Variants in NHSL1 observed in about 807,000 individuals in gnomAD.
The protein encoded by NHSL1 is NHS like 1.
NHSL1 carries 48 observed loss-of-function variants against 95.0 expected under a neutral mutation model. The observed-to-expected ratio is 0.51, with a 90% CI of 0.40 to 0.64. The LOEUF is 0.64. Ranked by LOEUF, NHSL1 falls within the 30% of genes least tolerant of loss-of-function variation. The pLI is 0.00. For missense variants in NHSL1, 1,971 were observed against 2,077.7 expected (o/e 0.95, Z 1.00); for synonymous variants, 783 against 833.9 (o/e 0.94, Z 1.05).
At chr6:138,605,472 G>T (rs977766035) in intron 1 of NHSL1, among the ~76,000 whole-genome samples, 1 of 152,134 alleles carries the variant, frequency 6.6e-6, no homozygotes, top group Non-Finnish European at 1.5e-5. Flanking sequence ...ACAAAAAAAA[G>T]TTTACCAGAA....
At chr6:138,447,313 G>A (rs767378088) in intron 3 of NHSL1, 120 bp from the exon 4 acceptor site, 193 of 775,956 alleles carry the variant, frequency 2.5e-4, no homozygotes, top group Non-Finnish European at 3.5e-4. Flanking sequence ...ATAATTGATC[G>A]CTTTTAGGAA....
At chr6:138,595,248 G>C (rs920857396) in intron 1 of NHSL1, among the ~76,000 whole-genome samples, 1 of 152,098 alleles carries the variant, frequency 6.6e-6, no homozygotes, top group African/African-American at 2.4e-5. Context: ...TCAGGAAAAG[G>C]ACCAGCCACT....
chr6:138,447,210 A>C lies in NHSL1; in HGVS notation c.340-17T>G. 1 of 1,543,554 alleles carries C rather than the reference A, an allele frequency of 6.5e-7. No homozygotes were observed. ...CAGAGAACACTGCAGAGAAAAAAGA[A>C]GCAGCAGCCACAGTGTATAAAGAGC... On this transcript the variant is annotated splice_polypyrimidine_tract_variant and intron_variant, in intron 3 of 7. Transcript: ENST00000343505.
At chr6:138,579,570 T>C (rs1320882400) in intron 1 of NHSL1, among the ~76,000 whole-genome samples, 2 of 152,218 alleles carry the variant, frequency 1.3e-5, no homozygotes, top group African/African-American at 4.8e-5. Context: ...TCTTCACTGC[T>C]TCCATCCACG....
At chr6:138,453,571 G>A (rs1318020623) in intron 3 of NHSL1, among the ~76,000 whole-genome samples, 1 of 151,648 alleles carries the variant, frequency 6.6e-6, no homozygotes, top group African/African-American at 2.4e-5. Flanking sequence ...TTTTGAGACA[G>A]GGTCTCACTC....
At chr6:138,600,153 AT>A (rs921285245) in intron 1 of NHSL1, among the ~76,000 whole-genome samples, 30 of 152,224 alleles carry the variant, frequency 2.0e-4, no homozygotes, top group African/African-American at 7.2e-4. Flanking sequence ...CAAAAAAAAA[AT>A]ATTAATTAAT....
rs1775008030 is a variant in NHSL1, at chr6:138,422,968, G to C, written c.*1113C>G. The C allele has an allele frequency of 6.6e-6, 1 of 151,578 alleles. No homozygotes were observed. Among genetic ancestry groups the C allele is most frequent in the Non-Finnish European group, 1.5e-5 (1 of 67,934 alleles). 9.4% of individuals were successfully genotyped at this position (151,578 alleles called of 1,614,324 possible). On this transcript the variant is annotated 3_prime_UTR_variant, in exon 8 of 8. Coordinates refer to ENST00000343505, the MANE Select transcript of NHSL1 (RefSeq NM_001144060.2). ...TTCTGAATTAGGACATGATACTGTAGGCAGTTCAAGGAAAAAAAAATAGCC... is the reference window on the plus strand; with the variant it reads ...TTCTGAATTAGGACATGATACTGTACGCAGTTCAAGGAAAAAAAAATAGCC...
At chr6:138,653,094 T>G (rs1469383149) in intron 1 of NHSL1, among the ~76,000 whole-genome samples, 1 of 152,216 alleles carries the variant, frequency 6.6e-6, no homozygotes, top group Non-Finnish European at 1.5e-5. Flanking sequence ...GTTCAGTAAC[T>G]GCACTGGAGC....
chr6:138,430,669 C>T lies in NHSL1; in HGVS notation c.3676G>A (p.Ala1226Thr), dbSNP rs1396197604. Reference protein sequence around the residue: ...PAENVSEALRAVPSPTTGEEG... With the variant: ...PAENVSEALRTVPSPTTGEEG... ...TCTCCCGTCGTGGGGCTGGGCACAG[C>T]TCGGAGGGCTTCGCTCACGTTCTCT... Residue 1226 changes from alanine to threonine, a missense_variant, in exon 6 of 8, where the codon GCT becomes ACT. Ala to Thr is a moderately conservative substitution (Grantham distance 58). Around this residue, in one of 3 missense-constraint regions of NHSL1, gnomAD observed 1,602 missense variants for 1,654.5 expected, o/e 0.97. Coordinates refer to ENST00000343505, the MANE Select transcript of NHSL1 (RefSeq NM_001144060.2). The surrounding 1 kb of genome is among the most constrained non-coding windows in gnomAD (Gnocchi z 4.7). 6.4e-7 allele frequency: 1 copy of T among 1,551,540 alleles called. No individual in the cohort carries two copies. The highest frequency in any genetic ancestry group is 8.7e-7 in the Non-Finnish European group (1 of 1,147,012).
At chr6:138,574,924 A>G (rs943390736), upstream of NHSL1, among the ~76,000 whole-genome samples, 16 of 152,008 alleles carry the variant, frequency 1.1e-4, no homozygotes, top group South Asian at 1.9e-3. Context: ...TTGGAGACGG[A>G]GTTTCCCTCT....
At chr6:138,515,356 CTCAT>C (rs1168047916) in intron 1 of NHSL1, among the ~76,000 whole-genome samples, 1 of 152,160 alleles carries the variant, frequency 6.6e-6, no homozygotes, top group African/African-American at 2.4e-5. Context: ...TCAGCCTCAT[CTCAT>C]TCATTAAGGA....
At chr6:138,480,096 T>C (rs532977048) in intron 2 of NHSL1, among the ~76,000 whole-genome samples, 8 of 152,168 alleles carry the variant, frequency 5.3e-5, no homozygotes, top group Non-Finnish European at 8.8e-5. Context: ...GTTGACTTCT[T>C]AGATTGCGTG....
At chr6:138,607,805 A>G (rs1784454784) in intron 1 of NHSL1, among the ~76,000 whole-genome samples, 1 of 152,264 alleles carries the variant, frequency 6.6e-6, no homozygotes, top group Non-Finnish European at 1.5e-5. Flanking sequence ...CAAGAGACCA[A>G]ATGGGTGCTT....
At chr6:138,509,502 G>A (rs1279869360) in intron 1 of NHSL1, among the ~76,000 whole-genome samples, 1 of 152,170 alleles carries the variant, frequency 6.6e-6, no homozygotes, top group Admixed American at 6.5e-5. Flanking sequence ...AAAAAAATGA[G>A]AGCAAAGGAA....
intron 7 of NHSL1, among the ~76,000 whole-genome samples, chr6:138,428,023 G>C (rs1427934252): frequency 6.6e-6 from 1 of 152,190 alleles, no homozygotes; most frequent in East Asian, 1.9e-4. Flanking sequence ...GTCCTAGTAA[G>C]AGAAACAACA....
chr6:138,649,574 A>C (rs1204950234), intron 1 of NHSL1, among the ~76,000 whole-genome samples: 2 of 152,178 alleles, frequency 1.3e-5, no homozygotes, highest in African/African-American at 2.4e-5. Flanking sequence ...ACAACTGCAC[A>C]GGTAACCAGA....
chr6:138,611,661 G>A (rs1455767442), intron 1 of NHSL1, among the ~76,000 whole-genome samples: 3 of 152,090 alleles, frequency 2.0e-5, no homozygotes, highest in Non-Finnish European at 2.9e-5. Context: ...CAGGAGAATG[G>A]CGTGAACCCG....
At chr6:138,614,833 G>C (rs1784557744) in intron 1 of NHSL1, among the ~76,000 whole-genome samples, 1 of 152,122 alleles carries the variant, frequency 6.6e-6, no homozygotes, top group South Asian at 2.1e-4. Flanking sequence ...ACTGCGCATG[G>C]GAGGGATCTA....
intron 4 of NHSL1, among the ~76,000 whole-genome samples, chr6:138,445,587 A>C (rs1406287378): frequency 6.6e-6 from 1 of 152,210 alleles, no homozygotes; most frequent in African/African-American, 2.4e-5. Flanking sequence ...TATTTATTAA[A>C]TTTCTATGGA....
Sources: allele counts gnomAD v4.1 joint callset (sites outside exome capture counted in the v4.1 genomes callset), GRCh38; gene constraint gnomAD v4.1.1; regional missense constraint gnomAD v4.1.1; non-coding constraint Gnocchi (gnomAD v3.1); transcripts MANE v1.5; gene names NCBI Gene and HGNC (gene_info 2026-07-23, HGNC 2026-07-21).